Variants in DNAAF3 observed in about 807,000 individuals in gnomAD.
DNAAF3 encodes the protein dynein axonemal assembly factor 3, also known as UPF0470 protein C19orf51.
DNAAF3 carries 40 observed loss-of-function variants against 50.9 expected under a neutral mutation model. The observed-to-expected ratio is 0.79, with a 90% CI of 0.61 to 1.02. DNAAF3 has a LOEUF of 1.02. Ranked by LOEUF, DNAAF3 falls within the 50% of genes least tolerant of loss-of-function variation. The pLI is 0.00. For missense variants in DNAAF3, 763 were observed against 744.7 expected, an observed-to-expected ratio of 1.02 and a Z score of -0.29; for synonymous variants, 327 against 322.8, an observed-to-expected ratio of 1.01 and a Z score of -0.14.
Position 55,160,093 on chromosome 19 carries a change from G to A in DNAAF3, c.1049-80C>T. The A allele has an allele frequency of 1.1e-6, 1 of 918,814 alleles. No homozygotes were observed. The allele number at this position is 918,814 out of a possible 1,614,324, so 56.9% of individuals were successfully genotyped here. A position where few individuals can be genotyped will look rare whatever the true frequency, so the allele number is the denominator to read the frequency against. On this transcript the variant is annotated intron_variant, in intron 9 of 11. Transcript: ENST00000524407. This position sits in a 1 kb window ranked among gnomAD's most constrained non-coding sequence, Gnocchi z 4.7. ...AAACCAGAGAGATACACAGAGCTGGGCAGAGCTGGGCAGGCACACAGGACT... is the reference window on the plus strand; with the variant it reads ...AAACCAGAGAGATACACAGAGCTGGACAGAGCTGGGCAGGCACACAGGACT...
In DNAAF3 at chr19:55,162,160, C is replaced by T; in HGVS notation, c.453G>A (p.Leu151=). The T allele has an allele frequency of 8.0e-7, 1 of 1,252,642 alleles. No homozygotes were observed. Among genetic ancestry groups the T allele is most frequent in the South Asian group, 3.8e-5 (1 of 26,044 alleles). 77.6% of individuals were successfully genotyped at this position (1,252,642 alleles called of 1,614,324 possible). ...VPEPDRLEEQ[L]PWLSLRALKF... is the part of the protein sequence containing the mutation. ...TGAGGGCGCGGAGGCTGAGCCAGGG[C>T]AGCTGTTCCTCCAGGCGGTCGGGCT... Residue 151 remains leucine (L), a synonymous_variant, in exon 5 of 12, where the codon CTG becomes CTA. Coordinates refer to ENST00000524407, the MANE Select transcript of DNAAF3 (RefSeq NM_001256715.2).
rs536068494 is a variant in DNAAF3 at position 55,159,195 on chromosome 19, T to A, written c.1493A>T (p.Gln498Leu). ...GGGCTCACAGTGTGGGGTCCCACCC[T>A]GCAGAGGCTGGGTCAGGCCCTCAAG... Reference protein sequence around the residue: ...PALEGLTQPLQGGTPHCEPCQ... With the variant: ...PALEGLTQPLLGGTPHCEPCQ... Residue 498 changes from glutamine to leucine, a missense_variant, in exon 12 of 12, where the codon CAG becomes CTG. Coordinates refer to ENST00000524407, the MANE Select transcript of DNAAF3 (RefSeq NM_001256715.2). 1.2e-6 allele frequency: 2 copies of A among 1,613,914 alleles called. No individual in the cohort carries two copies. Among genetic ancestry groups the A allele is most frequent in the East Asian group, 4.5e-5 (2 of 44,876 alleles).
At position 55,163,956 on chromosome 19, in the gene DNAAF3, G is replaced by GTGAT. The variant is rs575455370; in HGVS notation, c.322+1410_322+1413dup. Among the ~76,000 whole-genome samples, 269 of 152,248 alleles carry GTGAT rather than the reference G, an allele frequency of 1.8e-3. 4 individuals are homozygous for GTGAT. Among genetic ancestry groups the GTGAT allele is most frequent in the East Asian group, 2.5e-3 (13 of 5,178 alleles). ...TATTGGAGGCGGGGCCTGGTGGGAGGTGATTGGGTCACAGGGGCAGATTTC... is the reference window on the plus strand; with the variant it reads ...TATTGGAGGCGGGGCCTGGTGGGAGGTGATTGATTGGGTCACAGGGGCAGATTTC... On this transcript the variant is annotated intron_variant, in intron 4 of 11. Transcript: ENST00000524407.
At position 55,160,582 on chromosome 19, in the gene DNAAF3, A is replaced by C. The variant is rs374587086; in HGVS notation, c.1048+58T>G. On this transcript the variant is annotated intron_variant, in intron 9 of 11. Coordinates refer to ENST00000524407, the MANE Select transcript of DNAAF3 (RefSeq NM_001256715.2). This position sits in a 1 kb window ranked among gnomAD's most constrained non-coding sequence, Gnocchi z 4.7. ...TCCAAATCATGTCAGTCCACACTCC[A>C]GTGTGAAACACCTGGAGGCTGGAGT... is the stretch of plus-strand genomic sequence containing the variant. The C allele has an allele frequency of 1.2e-4, 186 of 1,613,102 alleles. No individual in the cohort carries two copies. The African/African-American group carries it at 2.0e-3, about 18-fold the overall frequency.
chr19:55,165,322 G>T, intron 4 of DNAAF3, 48 bp downstream of exon 4: 1 of 1,538,412 alleles, frequency 6.5e-7, no homozygotes. Context: ...TCCCTCTAGG[G>T]AGGGGGAGGA....
intron 4 of DNAAF3, among the ~76,000 whole-genome samples, chr19:55,164,520 T>C (rs2085901466): frequency 6.9e-6 from 1 of 145,574 alleles, no homozygotes; most frequent in Admixed American, 6.8e-5. Context: ...CTGTTTTCTT[T>C]TTCTTTCTTT....
At position 55,161,240 on chromosome 19, in the gene DNAAF3, C is replaced by T; in HGVS notation, c.789+53G>A. 6.3e-7 allele frequency: 1 copy of T among 1,595,748 alleles called. No homozygotes were observed. Among genetic ancestry groups the T allele is most frequent in the Non-Finnish European group, 8.6e-7 (1 of 1,168,004 alleles). On this transcript the variant is annotated intron_variant, in intron 7 of 11. Coordinates refer to ENST00000524407, the MANE Select transcript of DNAAF3 (RefSeq NM_001256715.2). This position sits in a 1 kb window ranked among gnomAD's most constrained non-coding sequence, Gnocchi z 6.4. ...GTGAGGTCGATGTTGGGGCCCCTGA[C>T]TCCTAGGACTCCGAGCAGCAGCAGT...
chr19:55,159,753 C>A (rs781355356), intron 10 of DNAAF3, 146 bp from the exon 11 acceptor site: 1 of 1,426,620 alleles, frequency 7.0e-7, no homozygotes, highest in Non-Finnish European at 9.1e-7. Context: ...GGTCTGGACT[C>A]CTGGGTCTGA....
chr19:55,163,453 C>T (rs1322444703), intron 4 of DNAAF3, among the ~76,000 whole-genome samples: 1 of 151,210 alleles, frequency 6.6e-6, no homozygotes, highest in Non-Finnish European at 1.5e-5. Flanking sequence ...CCACCGCGCC[C>T]GGCCAATATT....
intron 4 of DNAAF3, among the ~76,000 whole-genome samples, chr19:55,163,518 G>A (rs1273983097): frequency 1.3e-5 from 2 of 150,554 alleles, no homozygotes; most frequent in African/African-American, 4.9e-5. Context: ...TCTCAAACTC[G>A]TGGTCTCAAG....
In DNAAF3 at chr19:55,165,971, C is replaced by T; in HGVS notation, c.115G>A (p.Asp39Asn). The change falls in exon 3 of 12, where the codon GAT becomes AAT. Residue 39 changes from aspartate to asparagine, a missense_variant. Transcript: ENST00000524407. ...SPPVDPDSQA[D>N]TVHSNPELDV... ...AGCTCGGGGTTGCTGTGCACTGTAT[C>T]GGCCTGGGAGTCTGGGTCCACAGGA... is the stretch of plus-strand genomic sequence containing the variant. The T allele has an allele frequency of 6.2e-7, 1 of 1,614,164 alleles. No individual in the cohort carries two copies. Among genetic ancestry groups the T allele is most frequent in the Non-Finnish European group, 8.5e-7 (1 of 1,180,014 alleles).
upstream of DNAAF3, chr19:55,166,713 T>G: frequency 4.5e-6 from 7 of 1,555,572 alleles, no homozygotes; most frequent in Non-Finnish European, 6.1e-6. The surrounding 1 kb of genome is among the most constrained non-coding windows in gnomAD (Gnocchi z 4.0). Flanking sequence ...TCTACAAACT[T>G]TTGGCCAATG....
At position 55,164,324 on chromosome 19, in the gene DNAAF3, T is replaced by C. The variant is rs545827073; in HGVS notation, c.322+1046A>G. Among the ~76,000 whole-genome samples the C allele has an allele frequency of 2.3e-4, 35 of 152,076 alleles. No individual in the cohort carries two copies. The South Asian group carries it at 6.9e-3, about 30-fold the overall frequency. On this transcript the variant is annotated intron_variant, in intron 4 of 11. Coordinates refer to ENST00000524407, the MANE Select transcript of DNAAF3 (RefSeq NM_001256715.2). ...GGTGAAACCCCGGCTCTACTAAAAATACAAAACCTTAGCCGGGCATGGTGG... is the reference window on the plus strand; with the variant it reads ...GGTGAAACCCCGGCTCTACTAAAAACACAAAACCTTAGCCGGGCATGGTGG...
chr19:55,164,176 G>A (rs1359492502), intron 4 of DNAAF3, among the ~76,000 whole-genome samples: 1 of 152,106 alleles, frequency 6.6e-6, no homozygotes, highest in Non-Finnish European at 1.5e-5. Flanking sequence ...GGAACTGTGA[G>A]TCAATTAAAC....
In DNAAF3 at chr19:55,159,381, G is replaced by C; in HGVS notation, c.1307C>G (p.Ala436Gly). Residue 436 changes from alanine to glycine, a missense_variant, in exon 12 of 12, where the codon GCA becomes GGA. Transcript: ENST00000524407. ...FNTRVRELAQ[A>G]AGFAPQTGAR... ...CCCGGTCTGTGGAGCAAATCCAGCT[G>C]CCTGAGCTAGCTCCCTGACCCGGGT... 4 of 1,614,178 alleles carry C rather than the reference G, an allele frequency of 2.5e-6. No homozygotes were observed. The highest frequency in any genetic ancestry group is 3.4e-6 in the Non-Finnish European group (4 of 1,180,032).
At position 55,164,255 on chromosome 19, in the gene DNAAF3, C is replaced by T. The variant is rs576762646; in HGVS notation, c.322+1115G>A. Among the ~76,000 whole-genome samples the T allele has an allele frequency of 2.2e-3, 334 of 152,164 alleles. 1 individual carries two copies. The highest frequency in any genetic ancestry group is 7.5e-3 in the African/African-American group (311 of 41,514). On this transcript the variant is annotated intron_variant, in intron 4 of 11. Transcript: ENST00000524407. Reference sequence around the variant, plus strand: ...TAGCACTTTGGCAGGCCAAGGCGGGCGGATCACCTGAGGTCAGCATCTCGA... The same window carrying T: ...TAGCACTTTGGCAGGCCAAGGCGGGTGGATCACCTGAGGTCAGCATCTCGA...
chr19:55,165,407 G>T lies in DNAAF3; in HGVS notation c.285C>A (p.Ser95Arg). 6.2e-7 allele frequency: 1 copy of T among 1,614,190 alleles called. No individual in the cohort carries two copies. The part of the protein sequence containing the change: ...EAVARHMLIF[S>R]LALEEPEKMG... ...TCTTCTCCGGTTCCTCCAGGGCTAG[G>T]CTGAAGATCAGCATGTGTCGGGCCA... is the stretch of plus-strand genomic sequence containing the variant. Residue 95 changes from serine to arginine, a missense_variant, in exon 4 of 12, where the codon AGC becomes AGA. Transcript: ENST00000524407.
At position 55,161,473 on chromosome 19, in the gene DNAAF3, C is replaced by G. The variant is rs2085830719; in HGVS notation, c.664-55G>C. 1.3e-6 allele frequency: 2 copies of G among 1,548,762 alleles called. No individual in the cohort carries two copies. Among genetic ancestry groups the G allele is most frequent in the Middle Eastern group, 2.2e-4 (1 of 4,470 alleles). On this transcript the variant is annotated intron_variant, in intron 6 of 11. Transcript: ENST00000524407. The surrounding 1 kb of genome is among the most constrained non-coding windows in gnomAD (Gnocchi z 6.4). ...CTCAGTGAACCGAGCGTGGAGAGAC[C>G]CCTACACCAGCCTCCCTCAGACCCA...
At chr19:55,163,268 A>G (rs2085875413) in intron 4 of DNAAF3, among the ~76,000 whole-genome samples, 1 of 147,400 alleles carries the variant, frequency 6.8e-6, no homozygotes, top group African/African-American at 2.5e-5. Flanking sequence ...TCAGCCTCCC[A>G]AAGTGCTGGG....
Sources: allele counts gnomAD v4.1 joint callset (sites outside exome capture counted in the v4.1 genomes callset), GRCh38; gene constraint gnomAD v4.1.1; non-coding constraint Gnocchi (gnomAD v3.1); transcripts MANE v1.5; gene names NCBI Gene and HGNC (gene_info 2026-07-23, HGNC 2026-07-21).